Variants in INTU observed in about 807,000 individuals in gnomAD.
INTU encodes inturned planar cell polarity protein, also known as protein inturned.
Under a neutral mutation model 100.5 loss-of-function variants are expected in INTU, and 68 were observed. The observed-to-expected ratio is 0.68, with a 90% CI of 0.56 to 0.83. The LOEUF is 0.83. Ranked by LOEUF, INTU falls within the 40% of genes least tolerant of loss-of-function variation. The pLI is 0.00. For synonymous variants in INTU, 357 were observed against 395.7 expected, an observed-to-expected ratio of 0.90 and a Z score of 1.16; for missense variants, 1,071 against 1,114.7, an observed-to-expected ratio of 0.96 and a Z score of 0.56.
intron 2 of INTU, among the ~76,000 whole-genome samples, chr4:127,654,984 T>C (rs1202045427): frequency 6.6e-5 from 10 of 151,454 alleles, no homozygotes; most frequent in East Asian, 3.9e-4. Flanking sequence ...CATCTTCCAT[T>C]GCTGATACCC....
chr4:127,722,189 G>A lies in INTU; in HGVS notation c.*5753G>A, dbSNP rs1731355711. ...TGTTGCATTCTGTTTTTCTTTAGTA[G>A]TCAGGCCCCTCTTCTGCAGAGCTGC... On this transcript the variant is annotated 3_prime_UTR_variant, in exon 16 of 16. Coordinates refer to ENST00000335251, the MANE Select transcript of INTU (RefSeq NM_015693.4). The A allele has an allele frequency of 6.6e-6, 1 of 152,406 alleles. No individual in the cohort carries two copies. The highest frequency in any genetic ancestry group is 6.5e-5 in the Admixed American group (1 of 15,288). 9.4% of individuals were successfully genotyped at this position (152,406 alleles called of 1,614,324 possible).
chr4:127,654,026 C>G (rs975359218), intron 2 of INTU, among the ~76,000 whole-genome samples: 1 of 151,038 alleles, frequency 6.6e-6, no homozygotes, highest in African/African-American at 2.4e-5. Context: ...TCTGTTTTAT[C>G]AGAGACTAGG....
chr4:127,706,033 A>G (rs1730865476), intron 11 of INTU, among the ~76,000 whole-genome samples: 1 of 152,176 alleles, frequency 6.6e-6, no homozygotes, highest in Non-Finnish European at 1.5e-5. Flanking sequence ...TTTAATACTC[A>G]TGGACAAATA....
chr4:127,701,314 TGA>T (rs763155483), intron 9 of INTU, among the ~76,000 whole-genome samples: 2 of 152,166 alleles, frequency 1.3e-5, no homozygotes, highest in Non-Finnish European at 2.9e-5. Flanking sequence ...GGAGAGAAGT[TGA>T]GAGAGATCTC....
At chr4:127,713,054 G>T (rs962577313) in intron 14 of INTU, among the ~76,000 whole-genome samples, 1 of 152,210 alleles carries the variant, frequency 6.6e-6, no homozygotes, top group Non-Finnish European at 1.5e-5. Context: ...GCTTATGCAT[G>T]GCCGGATAGA....
chr4:127,647,663 G>T (rs975569554), intron 2 of INTU, among the ~76,000 whole-genome samples: 2 of 151,932 alleles, frequency 1.3e-5, no homozygotes, highest in African/African-American at 4.8e-5. Context: ...TCAGTGGGGG[G>T]TTTTTTGGTA....
intron 8 of INTU, among the ~76,000 whole-genome samples, chr4:127,697,000 C>T (rs1730421178): frequency 6.6e-6 from 1 of 152,114 alleles, no homozygotes; most frequent in African/African-American, 2.4e-5. Flanking sequence ...TTTAAATTGC[C>T]AATTACTTCG....
At chr4:127,663,785 T>C (rs568623703) in intron 4 of INTU, among the ~76,000 whole-genome samples, 7 of 152,280 alleles carry the variant, frequency 4.6e-5, no homozygotes, top group African/African-American at 1.2e-4. Context: ...CAAATGTTTT[T>C]AAAATGAAAA....
chr4:127,638,257 T>C (rs141721610), intron 1 of INTU, among the ~76,000 whole-genome samples: 32 of 152,332 alleles, frequency 2.1e-4, no homozygotes, highest in African/African-American at 7.7e-4. Flanking sequence ...TGTCCTGTTA[T>C]ACCTATTAGC....
Position 127,700,032 on chromosome 4 carries a change from G to A in INTU, c.1472G>A (p.Ser491Asn), listed in dbSNP as rs1395420416. ...TAGATGGAATTAGACATGGCATTAAGTGACTTGGAGGCTGCAGATTTTGCA... is the reference window on the plus strand; with the variant it reads ...TAGATGGAATTAGACATGGCATTAAATGACTTGGAGGCTGCAGATTTTGCA... ...EIKMELDMAL[S>N]DLEAADFAEL... is the part of the protein sequence containing the mutation. The change falls in exon 9 of 16, where the codon AGT becomes AAT. Residue 491 changes from serine (S) to asparagine (N), a missense_variant. Ser to Asn is a conservative substitution (Grantham distance 46). Coordinates refer to ENST00000335251, the MANE Select transcript of INTU (RefSeq NM_015693.4). 5.0e-6 allele frequency: 8 copies of A among 1,601,976 alleles called. No homozygotes were observed. In the African/African-American group the frequency reaches 1.1e-4, roughly 22 times the overall value.
intron 2 of INTU, among the ~76,000 whole-genome samples, chr4:127,645,647 A>C (rs1387699350): frequency 6.6e-6 from 1 of 151,272 alleles, no homozygotes; most frequent in Non-Finnish European, 1.5e-5. Context: ...TTCAACCTCT[A>C]CCTCCCGGGT....
At chr4:127,674,306 T>C (rs375562605) in intron 6 of INTU, 93 bp downstream of exon 6, 1 of 959,806 alleles carries the variant, frequency 1.0e-6, no homozygotes, top group Non-Finnish European at 1.6e-6. Flanking sequence ...AAAGACAAAC[T>C]CCTTGAACAG....
At chr4:127,698,758 A>G (rs1730509320) in intron 8 of INTU, among the ~76,000 whole-genome samples, 1 of 152,220 alleles carries the variant, frequency 6.6e-6, no homozygotes, top group Admixed American at 6.5e-5. Context: ...AAACAAACAT[A>G]TATATTAATC....
intron 6 of INTU, among the ~76,000 whole-genome samples, chr4:127,680,878 T>C (rs1203170770): frequency 6.6e-6 from 1 of 152,028 alleles, no homozygotes; most frequent in African/African-American, 2.4e-5. Context: ...AAAATCTCCT[T>C]AAGCTGATAA....
chr4:127,706,488 A>G lies in INTU; in HGVS notation c.1790A>G (p.Lys597Arg). The G allele has an allele frequency of 1.9e-6, 3 of 1,591,214 alleles. No homozygotes were observed. The highest frequency in any genetic ancestry group is 2.6e-6 in the Non-Finnish European group (3 of 1,168,192). ...GRYFLLVVGL[K>R]HYMLCVLLEA... Reference sequence around the variant, plus strand: ...CATTTGTAATTTTTTTCCCTATAGAAACATTATATGCTATGTGTACTATTA... The same window carrying G: ...CATTTGTAATTTTTTTCCCTATAGAGACATTATATGCTATGTGTACTATTA... The change falls in exon 12 of 16, where the codon AAA becomes AGA. Residue 597 changes from lysine to arginine, a missense_variant and splice_region_variant. Transcript: ENST00000335251.
chr4:127,663,554 A>G lies in INTU; in HGVS notation c.942A>G (p.Leu314=). ...CTCATATCATTATGTATCTCACACT[A>G]CAGCTCGACTCAGAAACCTCAAAGG... ...NTPHIIMYLT[L]QLDSETSKEE... is the part of the protein sequence containing the mutation. The change falls in exon 4 of 16, where the codon CTA becomes CTG. Residue 314 remains leucine (L), a synonymous_variant. Coordinates refer to ENST00000335251, the MANE Select transcript of INTU (RefSeq NM_015693.4). The G allele has an allele frequency of 1.9e-6, 3 of 1,613,280 alleles. No individual in the cohort carries two copies. The highest frequency in any genetic ancestry group is 1.1e-5 in the South Asian group (1 of 91,030).
At chr4:127,678,281 C>T (rs1336904907) in intron 6 of INTU, among the ~76,000 whole-genome samples, 2 of 152,028 alleles carry the variant, frequency 1.3e-5, no homozygotes, top group Non-Finnish European at 2.9e-5. Context: ...AGAAGAGCAA[C>T]TCCAAGACAC....
Position 127,726,580 on chromosome 4 carries a change from G to A in INTU, c.*10144G>A, listed in dbSNP as rs955574166. 2 of 152,074 alleles carry A rather than the reference G, an allele frequency of 1.3e-5. No individual in the cohort carries two copies. The highest frequency in any genetic ancestry group is 4.8e-5 in the African/African-American group (2 of 41,416). The allele number at this position is 152,074 out of a possible 1,614,324, so 9.4% of individuals were successfully genotyped here. On this transcript the variant is annotated 3_prime_UTR_variant, in exon 16 of 16. Transcript: ENST00000335251. ...TTTCAGAACAAGAATTTATACTTTG[G>A]ATATTTTTAAATTGTTAAATGTTAT... is the stretch of plus-strand genomic sequence containing the variant.
At chr4:127,696,317 A>C (rs896362504) in intron 8 of INTU, among the ~76,000 whole-genome samples, 1 of 152,196 alleles carries the variant, frequency 6.6e-6, no homozygotes, top group Admixed American at 6.5e-5. Context: ...CAGTCTACCC[A>C]TCTGGGCCTG....
Sources: gnomAD v4.1 joint callset for allele counts (sites outside exome capture counted in the v4.1 genomes callset) on GRCh38, gnomAD v4.1.1 for gene constraint, MANE v1.5 for transcripts, NCBI Gene and HGNC (gene_info 2026-07-23, HGNC 2026-07-21) for gene names.